Variants in NT5DC1 observed in about 807,000 individuals in gnomAD.
The protein encoded by NT5DC1 is 5'-nucleotidase domain containing 1, also known as 5'-nucleotidase domain-containing protein 1.
NT5DC1 carries 42 observed loss-of-function variants against 59.4 expected under a neutral mutation model. The ratio of observed to expected loss-of-function variants is 0.71; its 90% CI spans 0.55 to 0.92. The LOEUF (loss-of-function observed/expected upper bound fraction) is 0.92. NT5DC1 is among the 40% of genes least tolerant of loss of function. The pLI, the probability that NT5DC1 is intolerant of heterozygous loss-of-function variation, is 0.00. For missense variants in NT5DC1, 501 were observed against 537.1 expected (o/e 0.93, Z 0.66); for synonymous variants, 172 against 188.1 (o/e 0.91, Z 0.70).
chr6:116,220,251 A>G (rs1781771978), intron 6 of NT5DC1, among the ~76,000 whole-genome samples: 2 of 151,380 alleles, frequency 1.3e-5, no homozygotes, highest in Non-Finnish European at 2.9e-5. Context: ...TGTGTTATGA[A>G]TCTAGTAACA....
intron 8 of NT5DC1, among the ~76,000 whole-genome samples, chr6:116,235,777 G>C (rs1046404387): frequency 1.3e-5 from 2 of 152,170 alleles, no homozygotes; most frequent in Non-Finnish European, 2.9e-5. Flanking sequence ...GGGAAAATTA[G>C]ATCTTAGTTA....
chr6:116,199,399 ATT>A (rs1357892187), intron 6 of NT5DC1, among the ~76,000 whole-genome samples: 1 of 152,118 alleles, frequency 6.6e-6, no homozygotes, highest in African/African-American at 2.4e-5. Context: ...CAACACTGCT[ATT>A]ATTAGCCTTG....
At chr6:116,153,575 CTTAG>C (rs1035484890) in intron 6 of NT5DC1, among the ~76,000 whole-genome samples, 3 of 152,042 alleles carry the variant, frequency 2.0e-5, no homozygotes, top group East Asian at 1.9e-4. Context: ...CTGTTAGGTA[CTTAG>C]TTAGGCTTCA....
In NT5DC1 at chr6:116,238,293, CGAGGAGTCAGAGGCCT is replaced by C. The variant is rs1782160903; in HGVS notation, c.1041_1056del (p.Arg347SerfsTer3). 2 of 1,612,262 alleles carry C rather than the reference CGAGGAGTCAGAGGCCT, an allele frequency of 1.2e-6. No individual in the cohort carries two copies. The highest frequency in any genetic ancestry group is 1.7e-6 in the Non-Finnish European group (2 of 1,179,156). On this transcript the variant is annotated frameshift_variant, in exon 10 of 12. Transcript: ENST00000319550. LOFTEE classifies it high-confidence loss of function. ...GAAGAACTCAGAGGGGATGAAGGCA[CGAGGAGTCAGAGGCCT>C]GAGGAGTCAGAGCCTCTAGAGAAGA...
intron 6 of NT5DC1, among the ~76,000 whole-genome samples, chr6:116,186,096 TA>T (rs1260907351): frequency 6.6e-6 from 1 of 152,080 alleles, no homozygotes; most frequent in Non-Finnish European, 1.5e-5. Context: ...TTTGTTTGTC[TA>T]AAAAAGACTG....
In NT5DC1 at chr6:116,115,682, CT is replaced by C. The variant is rs1778950623; in HGVS notation, c.365-3del. 5.3e-6 allele frequency: 8 copies of C among 1,509,410 alleles called. No individual in the cohort carries two copies. Among genetic ancestry groups the C allele is most frequent in the South Asian group, 1.1e-5 (1 of 88,690 alleles). 93.5% of individuals were successfully genotyped at this position (1,509,410 alleles called of 1,614,324 possible). A position where few individuals can be genotyped will look rare whatever the true frequency, so the allele number is the denominator to read the frequency against. On this transcript the variant is annotated splice_region_variant and splice_polypyrimidine_tract_variant and intron_variant, in intron 4 of 11. Coordinates refer to ENST00000319550, the MANE Select transcript of NT5DC1 (RefSeq NM_152729.3). The stretch of plus-strand genomic sequence containing the variant: ...GTTGTTCCCAGTTTAAAATTTTGTT[CT>C]TTTTTAGGAAAGTATTACTTTTACG...
intron 2 of NT5DC1, among the ~76,000 whole-genome samples, chr6:116,107,819 G>A (rs1450607640): frequency 6.6e-6 from 1 of 151,958 alleles, no homozygotes; most frequent in Non-Finnish European, 1.5e-5. Context: ...TGATCCGCCC[G>A]TCTCGGCCTC....
intron 6 of NT5DC1, among the ~76,000 whole-genome samples, chr6:116,191,781 G>A (rs891617657): frequency 6.6e-6 from 1 of 151,960 alleles, no homozygotes; most frequent in Non-Finnish European, 1.5e-5. Context: ...AATCCTTAAA[G>A]TGTGTATATT....
intron 8 of NT5DC1, among the ~76,000 whole-genome samples, chr6:116,233,333 A>C (rs1002243412): frequency 1.3e-5 from 2 of 152,226 alleles, no homozygotes; most frequent in African/African-American, 4.8e-5. Context: ...AGGGCATTCT[A>C]AAGCCCTCCT....
At chr6:116,182,237 G>GTGTGTGTA in intron 6 of NT5DC1, among the ~76,000 whole-genome samples, 1 of 151,696 alleles carries the variant, frequency 6.6e-6, no homozygotes, top group East Asian at 1.9e-4. Flanking sequence ...GTGTGTGTGT[G>GTGTGTGTA]TGTGTGTGTG....
At chr6:116,187,900 A>T (rs1244494834) in intron 6 of NT5DC1, among the ~76,000 whole-genome samples, 2 of 152,098 alleles carry the variant, frequency 1.3e-5, no homozygotes, top group East Asian at 3.9e-4. Context: ...ATAAAAAATT[A>T]CTAAGAACGA....
intron 8 of NT5DC1, among the ~76,000 whole-genome samples, chr6:116,223,973 TA>T (rs1781859535): frequency 6.6e-6 from 1 of 152,192 alleles, no homozygotes; most frequent in South Asian, 2.1e-4. Context: ...AACAGAATGA[TA>T]AAATTAACAT....
In NT5DC1 at chr6:116,158,862, C is replaced by A. The variant is rs1459972051; in HGVS notation, c.529+40917C>A. 4 of 152,266 alleles carry A rather than the reference C, an allele frequency of 2.6e-5. No homozygotes were observed. In the East Asian group the frequency reaches 5.8e-4, roughly 22 times the overall value. The allele number at this position is 152,266 out of a possible 1,614,324, so 9.4% of individuals were successfully genotyped here. A position where few individuals can be genotyped will look rare whatever the true frequency, so the allele number is the denominator to read the frequency against. The stretch of plus-strand genomic sequence containing the variant: ...TGATGGTTTGCCTTCTGATTCATTT[C>A]CAGGAGAGAATATCTGTTGTTTTCC... On this transcript the variant is annotated intron_variant, in intron 6 of 11. Transcript: ENST00000319550.
intron 6 of NT5DC1, chr6:116,121,140 C>T (rs774015877): frequency 1.2e-6 from 2 of 1,613,294 alleles, no homozygotes; most frequent in African/African-American, 1.3e-5. Context: ...CCTGCTGGCC[C>T]TTGTTCCCCT....
At chr6:116,195,001 C>G (rs1488478719) in intron 6 of NT5DC1, among the ~76,000 whole-genome samples, 1 of 152,036 alleles carries the variant, frequency 6.6e-6, no homozygotes, top group Non-Finnish European at 1.5e-5. Context: ...CTAAAGTTAC[C>G]TCACCTTCAC....
chr6:116,176,989 A>G (rs1163205052), intron 6 of NT5DC1, among the ~76,000 whole-genome samples: 2 of 152,212 alleles, frequency 1.3e-5, no homozygotes, highest in Admixed American at 6.5e-5. Flanking sequence ...TCTTTATCTT[A>G]CTGAATTGAA....
intron 11 of NT5DC1, among the ~76,000 whole-genome samples, chr6:116,243,634 A>T (rs970058064): frequency 6.6e-6 from 1 of 152,144 alleles, no homozygotes; most frequent in Admixed American, 6.5e-5. Flanking sequence ...TCTGTTAGAC[A>T]TGGTTATCTC....
intron 6 of NT5DC1, among the ~76,000 whole-genome samples, chr6:116,197,691 C>T (rs1312184919): frequency 2.6e-5 from 4 of 152,006 alleles, no homozygotes; most frequent in Non-Finnish European, 5.9e-5. Context: ...CTTTTAAGTT[C>T]CACATGTGAA....
intron 3 of NT5DC1, among the ~76,000 whole-genome samples, chr6:116,110,307 G>A (rs969897737): frequency 3.3e-5 from 5 of 152,098 alleles, no homozygotes; most frequent in Non-Finnish European, 5.9e-5. Flanking sequence ...ATTTCTCTTC[G>A]ATTTCCCTAT....
Sources: allele counts gnomAD v4.1 joint callset (sites outside exome capture counted in the v4.1 genomes callset), GRCh38; gene constraint gnomAD v4.1.1; transcripts MANE v1.5; gene names NCBI Gene and HGNC (gene_info 2026-07-23, HGNC 2026-07-21).